MTMR11: variants seen among roughly 807,000 people sequenced by gnomAD.
MTMR11 encodes myotubularin related protein 11, also known as myotubularin-related protein 11.
Under a neutral mutation model 100.0 loss-of-function variants are expected in MTMR11, and 89 were observed. The observed-to-expected ratio is 0.89, with a 90% CI of 0.75 to 1.06. MTMR11 has a LOEUF of 1.06. MTMR11 is among the 50% of genes least tolerant of loss of function. The pLI is 0.00. For synonymous variants in MTMR11, 336 were observed against 326.3 expected, an observed-to-expected ratio of 1.03 and a Z score of -0.32; for missense variants, 809 against 873.7, an observed-to-expected ratio of 0.93 and a Z score of 0.93.
chr1:149,935,508 A>ATGT, intron 3 of MTMR11, 76 bp downstream of exon 3: 1 of 1,590,048 alleles, frequency 6.3e-7, no homozygotes, highest in African/African-American at 1.3e-5. Context: ...TTAACCCATA[A>ATGT]TGTTTGTCTA....
At chr1:149,936,119 T>C (rs781895518) in intron 2 of MTMR11, 35 bp downstream of exon 2, 2 of 1,586,332 alleles carry the variant, frequency 1.3e-6, no homozygotes, top group Admixed American at 1.7e-5. Context: ...AGGATGAAAT[T>C]TGGAAGTCTT....
At chr1:149,936,551 TGCC>T in intron 1 of MTMR11, 28 bp downstream of exon 1, 2 of 1,460,652 alleles carry the variant, frequency 1.4e-6, no homozygotes, top group Non-Finnish European at 1.9e-6. Flanking sequence ...CTCACCCTCT[TGCC>T]GACACCCCCC....
rs782229583 is a variant in MTMR11, at chr1:149,935,719, A to G, written c.143-14T>C. The G allele has an allele frequency of 2.5e-6, 4 of 1,580,660 alleles. No individual in the cohort carries two copies. The highest frequency in any genetic ancestry group is 3.4e-6 in the Non-Finnish European group (4 of 1,162,748). Reference sequence around the variant, plus strand: ...GGATCTGCTCCCCTAAAGGGGAAGAAGGGAAGCCCTGTTATGACTGTTCCC... The same window carrying G: ...GGATCTGCTCCCCTAAAGGGGAAGAGGGGAAGCCCTGTTATGACTGTTCCC... On this transcript the variant is annotated splice_polypyrimidine_tract_variant and intron_variant, in intron 2 of 16. Coordinates refer to ENST00000439741, the MANE Select transcript of MTMR11 (RefSeq NM_001145862.2).
rs151219180 is a variant in MTMR11, at chr1:149,931,424, G to C, written c.1126C>G (p.Arg376Gly). 1.9e-6 allele frequency: 3 copies of C among 1,590,234 alleles called. No individual in the cohort carries two copies. The South Asian group carries it at 3.4e-5, about 18-fold the overall frequency. ...SRVRSVILQE[R>G]GDRDLNGLLS... Reference sequence around the variant, plus strand: ...AGGCCATTGAGATCACGATCACCGCGCTCTGGGTGATAAAGAGGAAGAAGG... The same window carrying C: ...AGGCCATTGAGATCACGATCACCGCCCTCTGGGTGATAAAGAGGAAGAAGG... Residue 376 changes from arginine to glycine, a missense_variant and splice_region_variant, in exon 13 of 17, where the codon CGC (arginine) becomes GGC (glycine). Arg to Gly is a moderately radical substitution (Grantham distance 125). Coordinates refer to ENST00000439741, the MANE Select transcript of MTMR11 (RefSeq NM_001145862.2).
chr1:149,931,365 G>C lies in MTMR11; in HGVS notation c.1185C>G (p.Pro395=), dbSNP rs782446121. Residue 395 remains proline, a synonymous_variant, in exon 13 of 17, where the codon CCC becomes CCG. Coordinates refer to ENST00000439741, the MANE Select transcript of MTMR11 (RefSeq NM_001145862.2). The part of the protein sequence containing the change: ...LSSLVQLLSA[P]EARTLFGFQS... ...GGAAGCCAAACAGTGTTCGGGCTTC[G>C]GGGGCTGAAAGCAGCTGGACGAGTG... 2 of 1,613,756 alleles carry C rather than the reference G, an allele frequency of 1.2e-6. No individual in the cohort carries two copies. Among genetic ancestry groups the C allele is most frequent in the African/African-American group, 1.3e-5 (1 of 74,958 alleles).
At chr1:149,932,104 A>T in intron 11 of MTMR11, 90 bp from the exon 12 acceptor site, 3 of 1,406,344 alleles carry the variant, frequency 2.1e-6, no homozygotes, top group Non-Finnish European at 3.0e-6. Flanking sequence ...AATAAGGCCG[A>T]CTCCAAATCC....
intron 1 of MTMR11, 65 bp downstream of exon 1, chr1:149,936,517 T>C: frequency 2.3e-6 from 3 of 1,329,344 alleles, no homozygotes; most frequent in Non-Finnish European, 3.2e-6. Flanking sequence ...TGCTTCCCCC[T>C]TTTATCTCCA....
Position 149,930,964 on chromosome 1 carries a change from G to A in MTMR11, c.1292C>T (p.Ala431Val), listed in dbSNP as rs2092651709. 1.3e-6 allele frequency: 2 copies of A among 1,595,138 alleles called. No individual in the cohort carries two copies. Among genetic ancestry groups the A allele is most frequent in the Non-Finnish European group, 1.7e-6 (2 of 1,173,858 alleles). ...RLGGTGASEE[A>V]PVFLLFLDCV... is the part of the protein sequence containing the mutation. ...ATCAAGGAAGAGGAGAAACACCGGA[G>A]CCTGAAAAGAAATTAAGAGGTTGGA... Residue 431 changes from alanine (A) to valine (V), a missense_variant and splice_region_variant, in exon 14 of 17, where the codon GCT (alanine) becomes GTT (valine). Coordinates refer to ENST00000439741, the MANE Select transcript of MTMR11 (RefSeq NM_001145862.2).
At position 149,933,598 on chromosome 1, in the gene MTMR11, A is replaced by G. The variant is rs781935622; in HGVS notation, c.860+12T>C. 8.1e-6 allele frequency: 13 copies of G among 1,614,032 alleles called. No individual in the cohort carries two copies. In the East Asian group the frequency reaches 2.9e-4, roughly 36 times the overall value. Reference sequence around the variant, plus strand: ...ACCTAACCCTTGATTCTTCTCATCAAGCCTCCCTCACCTGATATCCTCCTT... The same window carrying G: ...ACCTAACCCTTGATTCTTCTCATCAGGCCTCCCTCACCTGATATCCTCCTT... On this transcript the variant is annotated intron_variant, in intron 9 of 16. Transcript: ENST00000439741.
chr1:149,935,733 AT>A, intron 2 of MTMR11, 28 bp from the exon 3 acceptor site: 1 of 1,558,818 alleles, frequency 6.4e-7, no homozygotes, highest in Non-Finnish European at 8.7e-7. Context: ...AAGCCCTGTT[AT>A]GACTGTTCCC....
Position 149,930,553 on chromosome 1 carries a change from CAG to C in MTMR11, c.1465-8_1465-7del. 2 of 1,602,308 alleles carry C rather than the reference CAG, an allele frequency of 1.2e-6. No homozygotes were observed. Among genetic ancestry groups the C allele is most frequent in the Non-Finnish European group, 1.7e-6 (2 of 1,173,236 alleles). The stretch of plus-strand genomic sequence containing the variant: ...ACTTGTGTATAGGAGTTTAACTGGA[CAG>C]AGGAAGCAAGAAAAAGGATGGTTAC... On this transcript the variant is annotated splice_region_variant and splice_polypyrimidine_tract_variant and intron_variant, in intron 14 of 16. Transcript: ENST00000439741.
At chr1:149,932,371 A>G (rs1553767882) in intron 10 of MTMR11, 41 bp from the exon 11 acceptor site, 4 of 1,537,324 alleles carry the variant, frequency 2.6e-6, no homozygotes, top group Non-Finnish European at 3.6e-6. Context: ...AGAGATTAGA[A>G]CTCAGGATTC....
rs782231693 is a variant in MTMR11, at chr1:149,935,629, G to A, written c.219C>T (p.Thr73=). The A allele has an allele frequency of 2.5e-6, 4 of 1,614,088 alleles. No homozygotes were observed. In the Admixed American group the frequency reaches 5.0e-5, roughly 20 times the overall value. Residue 73 remains threonine, a synonymous_variant, in exon 3 of 17, where the codon ACC becomes ACT. Coordinates refer to ENST00000439741, the MANE Select transcript of MTMR11 (RefSeq NM_001145862.2). The part of the protein sequence containing the change: ...EPELSGTLIC[T]NFRVTFQPCG... ...AGGGCTGGAAGGTGACCCTAAAGTTGGTACAGATCAGGGTTCCAGACAATT... is the reference window on the plus strand; with the variant it reads ...AGGGCTGGAAGGTGACCCTAAAGTTAGTACAGATCAGGGTTCCAGACAATT...
rs2092725970 is a variant in MTMR11 at position 149,936,606 on chromosome 1, G to A, written c.42C>T (p.Pro14=). ...CCCCCATCTCTGGCTCCTCCTTCTGGGGGGCAATGTTGAAACTCTGGCCCC... is the reference window on the plus strand; with the variant it reads ...CCCCCATCTCTGGCTCCTCCTTCTGAGGGGCAATGTTGAAACTCTGGCCCC... ...GGRGQSFNIA[P]QKEEPEMGSV... Residue 14 remains proline (P), a synonymous_variant, in exon 1 of 17, where the codon CCC becomes CCT. Coordinates refer to ENST00000439741, the MANE Select transcript of MTMR11 (RefSeq NM_001145862.2). The A allele has an allele frequency of 4.5e-6, 7 of 1,541,566 alleles. No individual in the cohort carries two copies. Among genetic ancestry groups the A allele is most frequent in the South Asian group, 1.2e-5 (1 of 83,736 alleles).
chr1:149,936,130 T>C (rs782631600), intron 2 of MTMR11, 24 bp downstream of exon 2: 1 of 1,603,164 alleles, frequency 6.2e-7, no homozygotes, highest in Non-Finnish European at 8.5e-7. Context: ...TGGAAGTCTT[T>C]GGAGAGTGAT....
intron 12 of MTMR11, 110 bp downstream of exon 12, chr1:149,931,834 C>A: frequency 1.0e-6 from 1 of 968,480 alleles, no homozygotes. Context: ...AGGTAGTTCC[C>A]AGGAACAGGA....
chr1:149,933,670 C>T lies in MTMR11; in HGVS notation c.800G>A (p.Ser267Asn), dbSNP rs374131146. 4.8e-5 allele frequency: 77 copies of T among 1,614,124 alleles called. 1 individual carries two copies. The highest frequency in any genetic ancestry group is 3.2e-4 in the Admixed American group (19 of 60,014). Reference protein sequence around the residue: ...PRLSWHHPGGSDLLRCGGFYT... With the variant: ...PRLSWHHPGGNDLLRCGGFYT... ...GAAGCCTCCACAGCGGAGAAGATCACTGCCCCCAGGGTGATGCCAGGACAA... is the reference window on the plus strand; with the variant it reads ...GAAGCCTCCACAGCGGAGAAGATCATTGCCCCCAGGGTGATGCCAGGACAA... The change falls in exon 9 of 17, where the codon AGT becomes AAT. Residue 267 changes from serine (S) to asparagine (N), a missense_variant. By Grantham distance (46) the Ser-to-Asn change is conservative (BLOSUM62 1). Transcript: ENST00000439741.
intron 12 of MTMR11, chr1:149,931,716 C>T (rs113885977): frequency 1.5e-5 from 9 of 582,636 alleles, no homozygotes; most frequent in African/African-American, 7.5e-5. Flanking sequence ...AGTCTCCATC[C>T]GCTGATGGAA....
intron 1 of MTMR11, 143 bp downstream of exon 1, chr1:149,936,439 G>T: frequency 7.2e-7 from 1 of 1,392,122 alleles, no homozygotes; most frequent in Non-Finnish European, 9.6e-7. Flanking sequence ...GACTGAGAAA[G>T]ACGGACCAGG....
Sources: gnomAD v4.1 joint callset for allele counts on GRCh38, gnomAD v4.1.1 for gene constraint, MANE v1.5 for transcripts, NCBI Gene and HGNC (gene_info 2026-07-23, HGNC 2026-07-21) for gene names.